The following MAP2K5 variants were observed in gnomAD, a reference collection of about 807,000 sequenced individuals.
MAP2K5 encodes mitogen-activated protein kinase kinase 5, also known as dual specificity mitogen-activated protein kinase kinase 5.
In MAP2K5, 49 loss-of-function variants were observed where a neutral mutation model predicts 83.1. The ratio of observed to expected loss-of-function variants is 0.59; its 90% CI spans 0.47 to 0.75. MAP2K5 has a LOEUF of 0.75. Ranked by LOEUF, MAP2K5 falls within the 30% of genes least tolerant of loss-of-function variation. MAP2K5 has a pLI of 0.00. For synonymous variants in MAP2K5, 202 were observed against 191.8 expected (o/e 1.05, Z -0.44); for missense variants, 457 against 557.5 (o/e 0.82, Z 1.82).
At chr15:67,646,614 A>C in intron 11 of MAP2K5, 145 bp downstream of exon 11, 3 of 487,814 alleles carry the variant, frequency 6.1e-6, no homozygotes, top group Non-Finnish European at 7.1e-6. Flanking sequence ...AGATTATTTC[A>C]GTGTTAGGGG....
chr15:67,738,892 C>A lies in MAP2K5; in HGVS notation c.1075-9339C>A, dbSNP rs1328378475. Among the ~76,000 whole-genome samples, 1 of 152,192 alleles carries A rather than the reference C, an allele frequency of 6.6e-6. No individual in the cohort carries two copies. Among genetic ancestry groups the A allele is most frequent in the East Asian group, 1.9e-4 (1 of 5,196 alleles). On this transcript the variant is annotated intron_variant, in intron 17 of 21. Transcript: ENST00000178640. The surrounding 1 kb of genome is among the most constrained non-coding windows in gnomAD (Gnocchi z 4.1). ...ACACCTTCAGCCCTCTTGCTCATCA[C>A]CATCTCCCTCCGATTACTTCCTTGA...
chr15:67,620,928 T>C (rs1198644975), intron 8 of MAP2K5, among the ~76,000 whole-genome samples: 4 of 152,064 alleles, frequency 2.6e-5, no homozygotes, highest in African/African-American at 9.7e-5. Flanking sequence ...GTAAATGAAT[T>C]AGGTGGTAGA....
At chr15:67,673,143 G>A (rs536087296) in intron 13 of MAP2K5, among the ~76,000 whole-genome samples, 171 of 152,062 alleles carry the variant, frequency 1.1e-3, no homozygotes, top group Non-Finnish European at 1.7e-3. Context: ...TTGGCAATGC[G>A]GTCTCTTTTT....
At chr15:67,570,457 G>T (rs2084928279) in intron 3 of MAP2K5, among the ~76,000 whole-genome samples, 3 of 152,220 alleles carry the variant, frequency 2.0e-5, no homozygotes. Context: ...GTCTCCTCAT[G>T]ACAGGAGCAA....
intron 13 of MAP2K5, among the ~76,000 whole-genome samples, chr15:67,688,737 C>G (rs139580843): frequency 8.4e-4 from 128 of 152,282 alleles, no homozygotes; most frequent in African/African-American, 3.0e-3. Context: ...GACAAGGTAA[C>G]TGTTATCTCC....
At chr15:67,545,737 GTTTC>G (rs1213710792) in intron 1 of MAP2K5, among the ~76,000 whole-genome samples, 3 of 152,132 alleles carry the variant, frequency 2.0e-5, no homozygotes, top group African/African-American at 7.2e-5. Context: ...CTGTATCTCA[GTTTC>G]TTTATTTGTG....
intron 8 of MAP2K5, among the ~76,000 whole-genome samples, chr15:67,620,440 G>A (rs928448746): frequency 2.0e-5 from 3 of 151,984 alleles, no homozygotes; most frequent in Non-Finnish European, 4.4e-5. Context: ...AACTGTTGAA[G>A]AGAAATAGTA....
At position 67,557,323 on chromosome 15, in the gene MAP2K5, T is replaced by C. The variant is rs567000155; in HGVS notation, c.185-5960T>C. ...ACTTGAAACATGCATTTTAAGTCCA[T>C]GTAGACAAATGCTGTCTTAAACCTA... On this transcript the variant is annotated intron_variant, in intron 2 of 21. Coordinates refer to ENST00000178640, the MANE Select transcript of MAP2K5 (RefSeq NM_145160.3). 4.6e-5 allele frequency among the ~76,000 whole-genome samples: 7 copies of C among 152,372 alleles called. No homozygotes were observed. In the South Asian group the frequency reaches 1.0e-3, roughly 23 times the overall value.
At chr15:67,608,720 A>G (rs2085837771) in intron 8 of MAP2K5, among the ~76,000 whole-genome samples, 1 of 152,210 alleles carries the variant, frequency 6.6e-6, no homozygotes, top group African/African-American at 2.4e-5. Context: ...GCATTTCTGT[A>G]GATGAGGAGC....
intron 17 of MAP2K5, among the ~76,000 whole-genome samples, chr15:67,735,199 G>T (rs902870869): frequency 6.6e-6 from 1 of 152,152 alleles, no homozygotes; most frequent in Non-Finnish European, 1.5e-5. Context: ...CTTAGCCTAT[G>T]CCAGAAACAG....
chr15:67,804,916 C>T (rs1011036924), intron 21 of MAP2K5, among the ~76,000 whole-genome samples: 3 of 152,172 alleles, frequency 2.0e-5, no homozygotes, highest in African/African-American at 7.2e-5. Flanking sequence ...ACTTGGAAGC[C>T]AAAATCCAGT....
In MAP2K5 at chr15:67,587,757, T is replaced by G. The variant is rs1405778009; in HGVS notation, c.431+844T>G. Among the ~76,000 whole-genome samples the G allele has an allele frequency of 6.6e-6, 1 of 152,200 alleles. No homozygotes were observed. The highest frequency in any genetic ancestry group is 6.5e-5 in the Admixed American group (1 of 15,282). On this transcript the variant is annotated intron_variant, in intron 6 of 21. Coordinates refer to ENST00000178640, the MANE Select transcript of MAP2K5 (RefSeq NM_145160.3). The surrounding 1 kb of genome is among the most constrained non-coding windows in gnomAD (Gnocchi z 4.8). Reference sequence around the variant, plus strand: ...TCCCTCCAAACACAGTTCTAGATTTTCTGTCTCAGTAAATTCTCCCACATC... The same window carrying G: ...TCCCTCCAAACACAGTTCTAGATTTGCTGTCTCAGTAAATTCTCCCACATC...
At position 67,554,093 on chromosome 15, in the gene MAP2K5, T is replaced by G. The variant is rs1048203567; in HGVS notation, c.184+4011T>G. On this transcript the variant is annotated intron_variant, in intron 2 of 21. Transcript: ENST00000178640. The stretch of plus-strand genomic sequence containing the variant: ...TGGTTTTTTTGAAATGGTCTGGCTC[T>G]GTCACCCAGGCTGGAGAGTGCAGTG... Among the ~76,000 whole-genome samples the G allele has an allele frequency of 1.1e-4, 16 of 152,314 alleles. No individual in the cohort carries two copies. The East Asian group carries it at 3.1e-3, about 29-fold the overall frequency.
At position 67,542,988 on chromosome 15, in the gene MAP2K5, T is replaced by A; in HGVS notation, c.-348T>A. 3.3e-6 allele frequency: 1 copy of A among 300,858 alleles called. No individual in the cohort carries two copies. The highest frequency in any genetic ancestry group is 7.5e-5 in the East Asian group (1 of 13,340). The allele number at this position is 300,858 out of a possible 1,614,324, so 18.6% of individuals were successfully genotyped here. ...GCCGCTGTATCTCCCCCAAACCGAG[T>A]CCTTGCCCTGCTGCCTCCTCATACC... is the stretch of plus-strand genomic sequence containing the variant. On this transcript the variant is annotated 5_prime_UTR_variant, in exon 1 of 22. Coordinates refer to ENST00000178640, the MANE Select transcript of MAP2K5 (RefSeq NM_145160.3).
chr15:67,719,037 C>T lies in MAP2K5; in HGVS notation c.1045-8879C>T, dbSNP rs1304130934. 6.6e-6 allele frequency among the ~76,000 whole-genome samples: 1 copy of T among 152,020 alleles called. No individual in the cohort carries two copies. The highest frequency in any genetic ancestry group is 2.4e-5 in the African/African-American group (1 of 41,376). On this transcript the variant is annotated intron_variant, in intron 16 of 21. Coordinates refer to ENST00000178640, the MANE Select transcript of MAP2K5 (RefSeq NM_145160.3). This position sits in a 1 kb window ranked among gnomAD's most constrained non-coding sequence, Gnocchi z 4.6. ...TTTATTTTTGTACCCATTAATCATCCCCACTCTTCTCCTTGCCAACTACCC... is the reference window on the plus strand; with the variant it reads ...TTTATTTTTGTACCCATTAATCATCTCCACTCTTCTCCTTGCCAACTACCC...
At chr15:67,721,697 G>A (rs750131503) in intron 16 of MAP2K5, among the ~76,000 whole-genome samples, 2 of 152,114 alleles carry the variant, frequency 1.3e-5, no homozygotes, top group Admixed American at 6.6e-5. Context: ...TTCTGTTTGC[G>A]CTGAAGAAAT....
At chr15:67,655,135 CTAT>C (rs1458560128) in intron 11 of MAP2K5, among the ~76,000 whole-genome samples, 1 of 151,604 alleles carries the variant, frequency 6.6e-6, no homozygotes, top group African/African-American at 2.4e-5. Flanking sequence ...CTTTTTTATG[CTAT>C]TATTGTCATA....
chr15:67,702,045 A>G lies in MAP2K5; in HGVS notation c.973-1292A>G, dbSNP rs989431925. Among the ~76,000 whole-genome samples, 2 of 152,234 alleles carry G rather than the reference A, an allele frequency of 1.3e-5. No individual in the cohort carries two copies. Among genetic ancestry groups the G allele is most frequent in the African/African-American group, 4.8e-5 (2 of 41,470 alleles). ...TGAGGGCAATAATACCTACTTTTGC[A>G]AAATCATTATGAAGTAGAAGACCCA... On this transcript the variant is annotated intron_variant, in intron 15 of 21. Transcript: ENST00000178640. The surrounding 1 kb of genome is among the most constrained non-coding windows in gnomAD (Gnocchi z 4.6).
intron 15 of MAP2K5, among the ~76,000 whole-genome samples, chr15:67,697,838 AT>A (rs781746527): frequency 1.3e-4 from 20 of 152,238 alleles, no homozygotes; most frequent in Non-Finnish European, 2.8e-4. Flanking sequence ...AAAGCGTAAA[AT>A]ATAGAAAAGA....
Sources: allele counts gnomAD v4.1 joint callset (sites outside exome capture counted in the v4.1 genomes callset), GRCh38; gene constraint gnomAD v4.1.1; non-coding constraint Gnocchi (gnomAD v3.1); transcripts MANE v1.5; gene names NCBI Gene and HGNC (gene_info 2026-07-23, HGNC 2026-07-21).